NELL2: variants seen among roughly 807,000 people sequenced by gnomAD.
NELL2 encodes the protein neural EGFL like 2.
A neutral mutation model predicts 109.6 loss-of-function variants in NELL2; 41 were observed. The observed-to-expected ratio is 0.37, with a 90% CI of 0.29 to 0.49. The LOEUF (loss-of-function observed/expected upper bound fraction) is 0.49. Ranked by LOEUF, NELL2 falls within the 20% of genes least tolerant of loss-of-function variation. The pLI is 0.98. For missense variants in NELL2, 900 were observed against 1,008.3 expected (o/e 0.89, Z 1.45); for synonymous variants, 355 against 344.7 (o/e 1.03, Z -0.33).
chr12:44,550,011 T>C lies in NELL2; in HGVS notation c.1664-17290A>G, dbSNP rs76295920. Among the ~76,000 whole-genome samples the C allele has an allele frequency of 4.6e-3, 700 of 152,126 alleles. 6 individuals carry two copies. The highest frequency in any genetic ancestry group is 0.016 in the African/African-American group (658 of 41,522). On this transcript the variant is annotated intron_variant, in intron 15 of 19. Transcript: ENST00000429094. ...TGAAATTCTATTACAAAAATAGCAA[T>C]CAAAACAGCATGGTACTGGCACAGA... is the stretch of plus-strand genomic sequence containing the variant.
At chr12:44,533,562 C>T (rs975832072) in intron 15 of NELL2, among the ~76,000 whole-genome samples, 2 of 152,058 alleles carry the variant, frequency 1.3e-5, no homozygotes, top group East Asian at 1.9e-4. Context: ...AAGTAAATCA[C>T]GCTGGATCTA....
chr12:44,529,325 C>T (rs1941941188), intron 16 of NELL2, among the ~76,000 whole-genome samples: 1 of 152,094 alleles, frequency 6.6e-6, no homozygotes. Flanking sequence ...AGATGTAGTT[C>T]TGGGCAACTA....
At chr12:44,902,492 G>GCT (rs1945672305) in intron 1 of NELL2, among the ~76,000 whole-genome samples, 1 of 152,152 alleles carries the variant, frequency 6.6e-6, no homozygotes, top group Non-Finnish European at 1.5e-5. Context: ...GTAATGTATA[G>GCT]ATTCAATGCT....
intron 16 of NELL2, among the ~76,000 whole-genome samples, chr12:44,524,669 G>A (rs1021442531): frequency 6.6e-6 from 1 of 152,018 alleles, no homozygotes; most frequent in African/African-American, 2.4e-5. Flanking sequence ...TAAGCCACAG[G>A]ACATTTTTTT....
intron 3 of NELL2, among the ~76,000 whole-genome samples, chr12:44,811,187 GAA>G (rs1943163087): frequency 6.6e-6 from 1 of 151,854 alleles, no homozygotes; most frequent in Non-Finnish European, 1.5e-5. Context: ...GGGTCAGGGG[GAA>G]GGGGAGGGAG....
intron 13 of NELL2, among the ~76,000 whole-genome samples, chr12:44,615,357 A>G (rs1339048954): frequency 6.6e-6 from 1 of 152,122 alleles, no homozygotes; most frequent in Non-Finnish European, 1.5e-5. Context: ...AATAATTTAT[A>G]ATAATCATAG....
At chr12:44,611,016 A>G (rs754341032) in intron 13 of NELL2, 46 bp from the exon 14 acceptor site, 26 of 1,593,466 alleles carry the variant, frequency 1.6e-5, no homozygotes, top group Non-Finnish European at 2.1e-5. Flanking sequence ...ATATTTCCAA[A>G]GCTATATTTT....
intron 9 of NELL2, among the ~76,000 whole-genome samples, chr12:44,765,435 T>C (rs58344087): frequency 0.034 from 5,143 of 152,258 alleles, 269 homozygotes; most frequent in African/African-American, 0.12. Flanking sequence ...AACCCTGATA[T>C]GGCCCTATGG....
chr12:44,649,716 C>T (rs1030292804), intron 13 of NELL2, among the ~76,000 whole-genome samples: 1 of 152,208 alleles, frequency 6.6e-6, no homozygotes, highest in Admixed American at 6.5e-5. Flanking sequence ...AAGCTTAAGA[C>T]AGCCCGTTTT....
intron 15 of NELL2, among the ~76,000 whole-genome samples, chr12:44,572,646 G>A (rs1440628521): frequency 6.6e-6 from 1 of 152,114 alleles, no homozygotes; most frequent in East Asian, 1.9e-4. Context: ...AATGGAAAAA[G>A]CTAGAGAATA....
At chr12:44,587,161 A>T (rs1944542172) in intron 15 of NELL2, among the ~76,000 whole-genome samples, 1 of 150,272 alleles carries the variant, frequency 6.7e-6, no homozygotes, top group Admixed American at 6.6e-5. Flanking sequence ...AGTCCCACCT[A>T]CTCGGGAGGC....
chr12:44,791,107 A>ATATG (rs1275518929), intron 3 of NELL2, among the ~76,000 whole-genome samples: 7 of 22,658 alleles, frequency 3.1e-4, no homozygotes, highest in South Asian at 1.2e-3. Flanking sequence ...GTATATATAT[A>ATATG]TGTATATATA....
At chr12:44,676,430 C>T (rs1948320229) in intron 12 of NELL2, among the ~76,000 whole-genome samples, 1 of 152,068 alleles carries the variant, frequency 6.6e-6, no homozygotes, top group Non-Finnish European at 1.5e-5. Context: ...GAACTGCCAG[C>T]TATCATATGC....
chr12:44,678,698 A>G (rs1287690198), intron 12 of NELL2, among the ~76,000 whole-genome samples: 1 of 152,112 alleles, frequency 6.6e-6, no homozygotes, highest in African/African-American at 2.4e-5. Context: ...CCTGATCAAT[A>G]CAGTGTAGTA....
intron 15 of NELL2, among the ~76,000 whole-genome samples, chr12:44,589,676 T>C (rs1227164083): frequency 1.3e-5 from 2 of 152,156 alleles, no homozygotes; most frequent in Non-Finnish European, 2.9e-5. Flanking sequence ...GAGACACTAC[T>C]TTTAAGCGAT....
intron 2 of NELL2, among the ~76,000 whole-genome samples, chr12:44,858,797 A>G (rs1015192182): frequency 6.6e-6 from 1 of 152,242 alleles, no homozygotes; most frequent in African/African-American, 2.4e-5. Flanking sequence ...TGCTCAAATG[A>G]CACAAAAAGG....
intron 2 of NELL2, among the ~76,000 whole-genome samples, chr12:44,848,800 T>A (rs1008942027): frequency 6.6e-6 from 1 of 152,168 alleles, no homozygotes; most frequent in Non-Finnish European, 1.5e-5. Flanking sequence ...AAATCACTTA[T>A]TAAAAATGTG....
At chr12:44,872,108 TCTTGGGGAATA>T (rs1746899874) in intron 2 of NELL2, among the ~76,000 whole-genome samples, 1 of 152,164 alleles carries the variant, frequency 6.6e-6, no homozygotes, top group South Asian at 2.1e-4. Context: ...ATGATCATTA[TCTTGGGGAATA>T]CTTCCTAGAT....
chr12:44,582,368 G>A (rs1472608511), intron 15 of NELL2, among the ~76,000 whole-genome samples: 1 of 152,040 alleles, frequency 6.6e-6, no homozygotes, highest in Non-Finnish European at 1.5e-5. Context: ...CCCAGGCCTG[G>A]GCTTTTGCTG....
Sources: gnomAD v4.1 joint callset for allele counts (sites outside exome capture counted in the v4.1 genomes callset) on GRCh38, gnomAD v4.1.1 for gene constraint, MANE v1.5 for transcripts, NCBI Gene and HGNC (gene_info 2026-07-23, HGNC 2026-07-21) for gene names.